Variants in DCAF7 observed in about 807,000 individuals in gnomAD.
The protein encoded by DCAF7 is DDB1 and CUL4 associated factor 7.
Under a neutral mutation model 41.2 loss-of-function variants are expected in DCAF7, and 4 were observed. That is an observed-to-expected ratio of 0.10 (90% CI 0.05 to 0.22). DCAF7 has a LOEUF of 0.22. DCAF7 is among the 10% of genes least tolerant of loss of function. The pLI is 1.00. For synonymous variants in DCAF7, 143 were observed against 164.2 expected (o/e 0.87, Z 0.99); for missense variants, 131 against 443.2 (o/e 0.30, Z 6.32).
In DCAF7 at chr17:63,589,103, G is replaced by A; in HGVS notation, c.960G>A (p.Gln320=). The change falls in exon 7 of 7, where the codon CAG becomes CAA. Residue 320 remains glutamine (Q), a synonymous_variant. Transcript: ENST00000614556. ...CTGAAGGAGAGATCAACAATGTGCA[G>A]TGGGCATCAACTCAGCCCGACTGGA... The part of the protein sequence containing the change: ...YTAEGEINNV[Q]WASTQPDWIA... 1.9e-6 allele frequency: 3 copies of A among 1,614,036 alleles called. No individual in the cohort carries two copies. The highest frequency in any genetic ancestry group is 2.2e-5 in the East Asian group (1 of 44,886).
intron 1 of DCAF7, among the ~76,000 whole-genome samples, chr17:63,564,134 T>C (rs2033414571): frequency 9.3e-6 from 1 of 107,508 alleles, no homozygotes; most frequent in South Asian, 2.5e-4. Flanking sequence ...ATGTTAACTT[T>C]ATACACACAC....
rs1487294047 is a variant in DCAF7, at chr17:63,581,787, ATAGCACCTTTC to A, written c.529-1704_529-1694del. ...GGATAGTGGCTCTAGAGAAACAGTA[ATAGCACCTTTC>A]TAGCACCTTTGATTTTTCTCAGTCC... On this transcript the variant is annotated intron_variant, in intron 4 of 6. Transcript: ENST00000614556. Among the ~76,000 whole-genome samples, 3 of 152,356 alleles carry A rather than the reference ATAGCACCTTTC, an allele frequency of 2.0e-5. No individual in the cohort carries two copies. In the South Asian group the frequency reaches 6.2e-4, roughly 32 times the overall value.
At chr17:63,586,760 C>G (rs1210797971) in intron 6 of DCAF7, among the ~76,000 whole-genome samples, 1 of 103,472 alleles carries the variant, frequency 9.7e-6, no homozygotes, top group Non-Finnish European at 2.1e-5. Context: ...GACCCCGTCT[C>G]AAAAAAAAAA....
intron 1 of DCAF7, among the ~76,000 whole-genome samples, chr17:63,561,821 A>T (rs1321534546): frequency 6.6e-6 from 1 of 152,142 alleles, no homozygotes. Context: ...TTAGAAAAAA[A>T]ATTTTTTTAA....
rs774157140 is a variant in DCAF7, at chr17:63,585,331, A to G, written c.856+3A>G. The G allele has an allele frequency of 2.5e-6, 4 of 1,610,798 alleles. No homozygotes were observed. The South Asian group carries it at 4.4e-5, about 18-fold the overall frequency. ...ATCCTGCCACATCTGCACTGCAGGT[A>G]ATCATGGTGGGGAGAAAGAAATCTG... On this transcript the variant is annotated splice_donor_region_variant and intron_variant, in intron 6 of 6. Coordinates refer to ENST00000614556, the MANE Select transcript of DCAF7 (RefSeq NM_005828.5).
At chr17:63,584,322 G>T (rs1021362029) in intron 5 of DCAF7, among the ~76,000 whole-genome samples, 3 of 152,164 alleles carry the variant, frequency 2.0e-5, no homozygotes, top group African/African-American at 7.2e-5. Context: ...ACAAAAATTA[G>T]CTGGGTGTGG....
At position 63,550,497 on chromosome 17, in the gene DCAF7, T is replaced by G; in HGVS notation, c.-181T>G. The stretch of plus-strand genomic sequence containing the variant: ...TGGTTGTCGTCCGTTCCCAAGCTGG[T>G]TTGAAACTAGGGGTCGGGCTCGGCC... On this transcript the variant is annotated 5_prime_UTR_variant, in exon 1 of 7. Transcript: ENST00000614556. This position sits in a 1 kb window ranked among gnomAD's most constrained non-coding sequence, Gnocchi z 4.8. 1 of 1,014,044 alleles carries G rather than the reference T, an allele frequency of 9.9e-7. No homozygotes were observed. The allele number at this position is 1,014,044 out of a possible 1,614,324, so 62.8% of individuals were successfully genotyped here. A position where few individuals can be genotyped will look rare whatever the true frequency, so the allele number is the denominator to read the frequency against.
chr17:63,586,273 T>G (rs8067832), intron 6 of DCAF7, among the ~76,000 whole-genome samples: 1 of 151,414 alleles, frequency 6.6e-6, no homozygotes, highest in Non-Finnish European at 1.5e-5. Flanking sequence ...GGCAGTATAG[T>G]GAGACCTCAT....
intron 1 of DCAF7, among the ~76,000 whole-genome samples, chr17:63,560,935 A>T (rs983195798): frequency 6.6e-6 from 1 of 152,258 alleles, no homozygotes; most frequent in Non-Finnish European, 1.5e-5. Flanking sequence ...AATATTTTAC[A>T]TGTTAAACAT....
Position 63,579,327 on chromosome 17 carries a change from G to A in DCAF7, c.298-10G>A. The A allele has an allele frequency of 1.3e-6, 2 of 1,572,518 alleles. No homozygotes were observed. The highest frequency in any genetic ancestry group is 1.7e-6 in the Non-Finnish European group (2 of 1,155,726). On this transcript the variant is annotated splice_polypyrimidine_tract_variant and intron_variant, in intron 2 of 6. Transcript: ENST00000614556. Reference sequence around the variant, plus strand: ...CTGGCTGATTTTTTTTAAAATTCTTGTTCCTTCAGGTTGGTGAAACAGAGA... The same window carrying A: ...CTGGCTGATTTTTTTTAAAATTCTTATTCCTTCAGGTTGGTGAAACAGAGA...
At chr17:63,583,376 G>A (rs1280999398) in intron 4 of DCAF7, 126 bp from the exon 5 acceptor site, 1 of 820,628 alleles carries the variant, frequency 1.2e-6, no homozygotes, top group Non-Finnish European at 2.1e-6. Flanking sequence ...GACACTGTTT[G>A]GGCTTCATTT....
At chr17:63,553,298 A>G (rs1219382403) in intron 1 of DCAF7, among the ~76,000 whole-genome samples, 1 of 152,242 alleles carries the variant, frequency 6.6e-6, no homozygotes, top group Non-Finnish European at 1.5e-5. Context: ...CTTGCTGGCA[A>G]AGTCACAGAC....
chr17:63,555,123 G>A (rs2033297529), intron 1 of DCAF7, among the ~76,000 whole-genome samples: 1 of 152,234 alleles, frequency 6.6e-6, no homozygotes, highest in Non-Finnish European at 1.5e-5. Flanking sequence ...TTAGGCCCAG[G>A]TGTTATTTCC....
intron 1 of DCAF7, among the ~76,000 whole-genome samples, chr17:63,567,862 A>T (rs2033461770): frequency 6.6e-6 from 1 of 151,704 alleles, no homozygotes; most frequent in African/African-American, 2.4e-5. Context: ...GGATTTTGTC[A>T]TGTTGCCCAG....
chr17:63,584,714 A>G (rs2033659598), intron 5 of DCAF7, among the ~76,000 whole-genome samples: 1 of 152,200 alleles, frequency 6.6e-6, no homozygotes, highest in African/African-American at 2.4e-5. Flanking sequence ...GTGAGCGGAG[A>G]TCATGCCACT....
intron 1 of DCAF7, among the ~76,000 whole-genome samples, chr17:63,563,553 G>A (rs1291108566): frequency 6.6e-6 from 1 of 152,126 alleles, no homozygotes; most frequent in Admixed American, 6.6e-5. Flanking sequence ...TAAATAAGTA[G>A]TGGTGGCTGG....
At chr17:63,564,874 A>G (rs2033424010) in intron 1 of DCAF7, among the ~76,000 whole-genome samples, 1 of 152,242 alleles carries the variant, frequency 6.6e-6, no homozygotes, top group South Asian at 2.1e-4. Context: ...GACTGGGGCA[A>G]AAACTCATCC....
intron 1 of DCAF7, among the ~76,000 whole-genome samples, chr17:63,562,700 C>A (rs1192794202): frequency 7.7e-6 from 1 of 129,552 alleles, no homozygotes; most frequent in Non-Finnish European, 1.6e-5. Context: ...CCCCCCACCC[C>A]ACAACAGTCC....
At position 63,551,847 on chromosome 17, in the gene DCAF7, G is replaced by C. The variant is rs149919009; in HGVS notation, c.138+1032G>C. Among the ~76,000 whole-genome samples, 736 of 132,770 alleles carry C rather than the reference G, an allele frequency of 5.5e-3. 9 individuals are homozygous for C. Among genetic ancestry groups the C allele is most frequent in the African/African-American group, 0.02 (711 of 34,788 alleles). The allele number at this position is 132,770 out of a possible 152,430, so 87.1% of individuals were successfully genotyped here. ...GGATTACCTGAGCTCAGGAGTTCGC[G>C]ACCAGCCTGGGTAACACGGTGAAAC... On this transcript the variant is annotated intron_variant, in intron 1 of 6. Coordinates refer to ENST00000614556, the MANE Select transcript of DCAF7 (RefSeq NM_005828.5).
Sources: allele counts gnomAD v4.1 joint callset (sites outside exome capture counted in the v4.1 genomes callset), GRCh38; gene constraint gnomAD v4.1.1; non-coding constraint Gnocchi (gnomAD v3.1); transcripts MANE v1.5; gene names NCBI Gene and HGNC (gene_info 2026-07-23, HGNC 2026-07-21).